The following CPNE8 variants were observed in gnomAD, a reference collection of about 807,000 sequenced individuals.
CPNE8 encodes the protein copine 8.
In CPNE8, 45 loss-of-function variants were observed where a neutral mutation model predicts 81.5. The observed-to-expected ratio is 0.55, with a 90% CI of 0.44 to 0.71. CPNE8 has a LOEUF of 0.71. Among genes scored for constraint, CPNE8 ranks in the 30% least tolerant of loss-of-function variants. The pLI is 0.00. For synonymous variants in CPNE8, 252 were observed against 226.3 expected (o/e 1.11, Z -1.02); for missense variants, 594 against 672.1 (o/e 0.88, Z 1.28).
At position 38,653,595 on chromosome 12, in the gene CPNE8, A is replaced by G. The variant is rs1305617317; in HGVS notation, c.*287T>C. On this transcript the variant is annotated 3_prime_UTR_variant, in exon 20 of 20. Transcript: ENST00000331366. The stretch of plus-strand genomic sequence containing the variant: ...AGTTTGTGCTTTTTCCCAACAATAC[A>G]TTGGAAATTAGCTGTTTCTGTTAAA... The G allele has an allele frequency of 8.5e-6, 2 of 234,350 alleles. No individual in the cohort carries two copies. The highest frequency in any genetic ancestry group is 4.7e-5 in the African/African-American group (2 of 42,540). 14.5% of individuals were successfully genotyped at this position (234,350 alleles called of 1,614,324 possible).
At chr12:38,677,035 T>C (rs1227567106) in intron 17 of CPNE8, among the ~76,000 whole-genome samples, 1 of 152,088 alleles carries the variant, frequency 6.6e-6, no homozygotes, top group Admixed American at 6.6e-5. Context: ...ATGAGCAGGA[T>C]GGTTTTTTAA....
chr12:38,789,657 C>A (rs544256196), intron 6 of CPNE8, among the ~76,000 whole-genome samples: 50 of 151,708 alleles, frequency 3.3e-4, no homozygotes, highest in Non-Finnish European at 6.5e-4. Context: ...AGGGAAGAGA[C>A]AACCCACAGA....
chr12:38,688,233 C>T (rs1027331309), intron 15 of CPNE8, among the ~76,000 whole-genome samples: 1 of 152,182 alleles, frequency 6.6e-6, no homozygotes, highest in Admixed American at 6.5e-5. Flanking sequence ...TTTTTCTCTT[C>T]TTTGAGAATG....
intron 10 of CPNE8, among the ~76,000 whole-genome samples, chr12:38,756,027 G>T (rs1156651760): frequency 1.1e-5 from 1 of 88,888 alleles, no homozygotes; most frequent in African/African-American, 3.4e-5. Context: ...GCGACAGAGC[G>T]AGACTCCGTC....
In CPNE8 at chr12:38,791,808, A is replaced by G. The variant is rs140769547; in HGVS notation, c.408-15507T>C. Among the ~76,000 whole-genome samples the G allele has an allele frequency of 5.8e-3, 879 of 151,696 alleles. 7 individuals are homozygous for G. The highest frequency in any genetic ancestry group is 0.02 in the African/African-American group (821 of 41,524). ...ATTCTCTTCAAGTGAACATGAAACT[A>G]TCTCCAGGACAGACCACATTTTAGG... On this transcript the variant is annotated intron_variant, in intron 6 of 19. Coordinates refer to ENST00000331366, the MANE Select transcript of CPNE8 (RefSeq NM_153634.3).
At chr12:38,884,160 C>T (rs774112876) in intron 1 of CPNE8, among the ~76,000 whole-genome samples, 32 of 152,144 alleles carry the variant, frequency 2.1e-4, no homozygotes, top group Non-Finnish European at 4.1e-4. Context: ...TCTCCTCCCA[C>T]CAAAAACACC....
At chr12:38,795,793 A>G (rs1942446035) in intron 6 of CPNE8, among the ~76,000 whole-genome samples, 1 of 152,160 alleles carries the variant, frequency 6.6e-6, no homozygotes, top group Non-Finnish European at 1.5e-5. Context: ...GATCTGTCTC[A>G]TGGCAATGTG....
intron 4 of CPNE8, among the ~76,000 whole-genome samples, chr12:38,846,371 G>T (rs1157832991): frequency 6.6e-6 from 1 of 152,136 alleles, no homozygotes; most frequent in Non-Finnish European, 1.5e-5. Flanking sequence ...CTAAGAGAAG[G>T]TTGGGAGTTT....
At chr12:38,742,576 G>A (rs1348600726) in intron 10 of CPNE8, among the ~76,000 whole-genome samples, 1 of 151,502 alleles carries the variant, frequency 6.6e-6, no homozygotes, top group African/African-American at 2.4e-5. Context: ...TATACCTAAT[G>A]TAAATGACGA....
intron 19 of CPNE8, 100 bp downstream of exon 19, chr12:38,670,629 C>A: frequency 1.4e-6 from 1 of 708,852 alleles, no homozygotes; most frequent in Non-Finnish European, 2.3e-6. Flanking sequence ...AATAGAAAAG[C>A]ATCATTAAAA....
At chr12:38,777,341 G>T (rs1219420812) in intron 6 of CPNE8, among the ~76,000 whole-genome samples, 2 of 152,102 alleles carry the variant, frequency 1.3e-5, no homozygotes, top group Non-Finnish European at 2.9e-5. Flanking sequence ...AAATATTTTT[G>T]TACAGCTGTG....
chr12:38,805,930 G>C (rs1385275351), intron 6 of CPNE8, among the ~76,000 whole-genome samples: 1 of 149,748 alleles, frequency 6.7e-6, no homozygotes, highest in Non-Finnish European at 1.5e-5. Flanking sequence ...TATCACCACC[G>C]ATCCCACAGA....
At chr12:38,781,800 C>T (rs1229126254) in intron 6 of CPNE8, among the ~76,000 whole-genome samples, 1 of 152,028 alleles carries the variant, frequency 6.6e-6, no homozygotes, top group African/African-American at 2.4e-5. Context: ...ACTCCTGTGG[C>T]CTTCTACCCA....
intron 15 of CPNE8, among the ~76,000 whole-genome samples, chr12:38,687,370 CTTTCTTT>C (rs746973891): frequency 0.053 from 5,023 of 95,230 alleles, 255 homozygotes; most frequent in East Asian, 0.39. Flanking sequence ...AATGCCAAGA[CTTTCTTT>C]TTTTTTTTTT....
chr12:38,790,662 A>T (rs1043273996), intron 6 of CPNE8, among the ~76,000 whole-genome samples: 8 of 151,764 alleles, frequency 5.3e-5, no homozygotes, highest in Admixed American at 5.3e-4. Context: ...ATTTTCCATG[A>T]TGTGATTATT....
In CPNE8 at chr12:38,848,640, T is replaced by C. The variant is rs1943595190; in HGVS notation, c.209A>G (p.Asp70Gly). 6.3e-7 allele frequency: 1 copy of C among 1,590,734 alleles called. No homozygotes were observed. The highest frequency in any genetic ancestry group is 8.5e-7 in the Non-Finnish European group (1 of 1,173,334). Residue 70 changes from aspartate (D) to glycine (G), a missense_variant, in exon 4 of 20, where the codon GAT (aspartate) becomes GGT (glycine). By Grantham distance (94) the Asp-to-Gly change is moderately conservative (BLOSUM62 -1). Coordinates refer to ENST00000331366, the MANE Select transcript of CPNE8 (RefSeq NM_153634.3). ...TACAAAATCAGGATTTAAAGTATTA[T>C]CAATTACTTCAGTTCTTCCAAACTG... ...WREFGRTEVIDNTLNPDFVRK... is the reference protein window; with the variant it reads ...WREFGRTEVIGNTLNPDFVRK...
At chr12:38,803,459 C>A (rs986590375) in intron 6 of CPNE8, among the ~76,000 whole-genome samples, 1 of 150,510 alleles carries the variant, frequency 6.6e-6, no homozygotes, top group South Asian at 2.2e-4. Flanking sequence ...ATTCAACAAC[C>A]CTTCATGCTA....
rs138923681 is a variant in CPNE8, at chr12:38,731,603, T to C, written c.723-1245A>G. ...CATGGTATTTTATGTGAAACATTAC[T>C]CTTTATATCAATAGCATTTTGACCT... is the stretch of plus-strand genomic sequence containing the variant. On this transcript the variant is annotated intron_variant, in intron 10 of 19. Transcript: ENST00000331366. Among the ~76,000 whole-genome samples the C allele has an allele frequency of 2.3e-3, 352 of 152,068 alleles. 4 individuals carry two copies. Among genetic ancestry groups the C allele is most frequent in the Admixed American group, 0.021 (318 of 15,228 alleles).
intron 6 of CPNE8, among the ~76,000 whole-genome samples, chr12:38,799,878 G>C (rs1366978281): frequency 3.3e-5 from 5 of 151,752 alleles, no homozygotes; most frequent in Admixed American, 1.3e-4. Context: ...CCCTTTCCGA[G>C]TCAAAGAAAG....
Sources: allele counts gnomAD v4.1 joint callset (sites outside exome capture counted in the v4.1 genomes callset), GRCh38; gene constraint gnomAD v4.1.1; transcripts MANE v1.5; gene names NCBI Gene and HGNC (gene_info 2026-07-23, HGNC 2026-07-21).